The following SPATA7 variants were observed in gnomAD, a reference collection of about 807,000 sequenced individuals.
The protein encoded by SPATA7 is spermatogenesis associated 7, also known as spermatogenesis-associated protein 7.
A neutral mutation model predicts 51.8 loss-of-function variants in SPATA7; 43 were observed. The ratio of observed to expected loss-of-function variants is 0.83; its 90% CI spans 0.65 to 1.07. The LOEUF is 1.07. SPATA7 is among the 50% of genes least tolerant of loss of function. The probability of loss-of-function intolerance (pLI) is 0.00; values close to 1 mark genes in which losing one functional copy is unlikely to be tolerated. For synonymous variants in SPATA7, 230 were observed against 252.8 expected (o/e 0.91, Z 0.86); for missense variants, 683 against 701.3 (o/e 0.97, Z 0.30).
intron 3 of SPATA7, among the ~76,000 whole-genome samples, chr14:88,444,977 T>C (rs1012795407): frequency 6.6e-6 from 1 of 152,124 alleles, no homozygotes; most frequent in African/African-American, 2.4e-5. Context: ...GGCTCTTTTT[T>C]GGTTCCATAT....
chr14:88,465,158 A>C (rs1179116824), intron 4 of SPATA7, among the ~76,000 whole-genome samples: 1 of 152,190 alleles, frequency 6.6e-6, no homozygotes, highest in Non-Finnish European at 1.5e-5. Flanking sequence ...AAGCATTCCA[A>C]ATGATATTCT....
chr14:88,429,268 C>T lies in SPATA7; in HGVS notation c.913-80C>T, dbSNP rs193025954. 220 of 761,298 alleles carry T rather than the reference C, an allele frequency of 2.9e-4. 2 individuals are homozygous for T. In the African/African-American group the frequency reaches 3.2e-3, roughly 11 times the overall value. 47.2% of individuals were successfully genotyped at this position (761,298 alleles called of 1,614,324 possible). A position where few individuals can be genotyped will look rare whatever the true frequency, so the allele number is the denominator to read the frequency against. On this transcript the variant is annotated intron_variant, in intron 7 of 11. Transcript: ENST00000393545. ...TCTACTGGATATCTCTGTTCAATCA[C>T]TTAAAATTTGCTGTGTTATATTCTG...
downstream of SPATA7, among the ~76,000 whole-genome samples, chr14:88,458,653 T>A (rs559211873): frequency 1.8e-3 from 273 of 152,292 alleles, 1 homozygote; most frequent in African/African-American, 6.3e-3. Context: ...TCTATCAATT[T>A]TGTTGATCTT....
intron 4 of SPATA7, among the ~76,000 whole-genome samples, chr14:88,400,535 A>T (rs2076026097): frequency 6.6e-6 from 1 of 152,194 alleles, no homozygotes; most frequent in Non-Finnish European, 1.5e-5. Flanking sequence ...ATCAGTAATC[A>T]AAAACTTCCC....
intron 4 of SPATA7, among the ~76,000 whole-genome samples, chr14:88,409,255 T>C (rs904296590): frequency 2.0e-5 from 3 of 152,176 alleles, no homozygotes; most frequent in African/African-American, 7.2e-5. Context: ...AGGCTATTAA[T>C]TACTGCCTCA....
intron 8 of SPATA7, 36 bp from the exon 9 acceptor site, chr14:88,431,136 C>G: frequency 1.3e-6 from 2 of 1,593,426 alleles, no homozygotes; most frequent in East Asian, 4.5e-5. Context: ...ATGCCAACCA[C>G]TGTTTTGCTC....
intron 4 of SPATA7, among the ~76,000 whole-genome samples, chr14:88,407,444 C>T (rs948273020): frequency 6.6e-6 from 1 of 152,206 alleles, no homozygotes; most frequent in African/African-American, 2.4e-5. Context: ...TATCCTTCGC[C>T]CACTTTTTGA....
chr14:88,413,737 G>C (rs939434504), intron 4 of SPATA7, among the ~76,000 whole-genome samples: 3 of 150,566 alleles, frequency 2.0e-5, no homozygotes, highest in African/African-American at 7.4e-5. Context: ...CTAATTTGTT[G>C]AGGGTTTTTT....
intron 6 of SPATA7, 38 bp from the exon 7 acceptor site, chr14:88,427,592 T>A: frequency 7.0e-7 from 1 of 1,431,404 alleles, no homozygotes; most frequent in Non-Finnish European, 9.7e-7. Context: ...TGCTTATATT[T>A]TGAAGGATTA....
chr14:88,405,644 A>G (rs2076181219), intron 4 of SPATA7, among the ~76,000 whole-genome samples: 1 of 152,216 alleles, frequency 6.6e-6, no homozygotes, highest in African/African-American at 2.4e-5. Context: ...AGCCAAAAGG[A>G]TGGAGTTATG....
Position 88,426,528 on chromosome 14 carries a change from G to T in SPATA7, c.669G>T (p.Gly223=), listed in dbSNP as rs1280139495. The T allele has an allele frequency of 6.2e-7, 1 of 1,614,108 alleles. No individual in the cohort carries two copies. The highest frequency in any genetic ancestry group is 1.1e-5 in the South Asian group (1 of 91,076). ...TAGTCATTTCGAAAGCACCCAGTGG[G>T]GATCTTTTGGATAAACATTCTGAAC... ...FQLVISKAPS[G]DLLDKHSELF... Residue 223 remains glycine, a synonymous_variant, in exon 6 of 12, where the codon GGG becomes GGT. Coordinates refer to ENST00000393545, the MANE Select transcript of SPATA7 (RefSeq NM_018418.5).
At chr14:88,435,324 A>G (rs1267672950) in intron 10 of SPATA7, among the ~76,000 whole-genome samples, 1 of 152,170 alleles carries the variant, frequency 6.6e-6, no homozygotes, top group African/African-American at 2.4e-5. Context: ...GTAGGTATGT[A>G]TATTTAAGGG....
Position 88,426,285 on chromosome 14 carries a change from A to G in SPATA7, c.426A>G (p.Gly142=). 6.2e-7 allele frequency: 1 copy of G among 1,614,124 alleles called. No homozygotes were observed. The highest frequency in any genetic ancestry group is 8.5e-7 in the Non-Finnish European group (1 of 1,180,026). Reference sequence around the variant, plus strand: ...ACATGTTAAAAGAAGAAATGAATGGATTTTCATCCTTTGCAAGGTCACTAG... The same window carrying G: ...ACATGTTAAAAGAAGAAATGAATGGGTTTTCATCCTTTGCAAGGTCACTAG... ...EDDMLKEEMN[G]FSSFARSLVP... The change falls in exon 6 of 12, where the codon GGA becomes GGG. Residue 142 remains glycine (G), a synonymous_variant. Coordinates refer to ENST00000393545, the MANE Select transcript of SPATA7 (RefSeq NM_018418.5).
chr14:88,415,101 A>G (rs1387882075), intron 4 of SPATA7: 1 of 176,384 alleles, frequency 5.7e-6, no homozygotes, highest in Non-Finnish European at 1.2e-5. Flanking sequence ...ATTTAAATCC[A>G]GAATTTCTTT....
chr14:88,442,541 G>A (rs1280655772), downstream of SPATA7, among the ~76,000 whole-genome samples: 1 of 152,110 alleles, frequency 6.6e-6, no homozygotes, highest in African/African-American at 2.4e-5. Context: ...GGTCTATTCA[G>A]ATGATCATGT....
chr14:88,434,888 A>G (rs1299324211), intron 10 of SPATA7, among the ~76,000 whole-genome samples: 1 of 152,052 alleles, frequency 6.6e-6, no homozygotes. Context: ...GAAATAATTC[A>G]GAACTACTAA....
intron 5 of SPATA7, among the ~76,000 whole-genome samples, chr14:88,422,122 G>T (rs1013886712): frequency 6.6e-6 from 1 of 152,098 alleles, no homozygotes; most frequent in Non-Finnish European, 1.5e-5. Flanking sequence ...GGGGCTGGAG[G>T]TAATAAGAGA....
chr14:88,460,565 C>A (rs564886664), intron 4 of SPATA7, among the ~76,000 whole-genome samples: 5 of 152,308 alleles, frequency 3.3e-5, no homozygotes, highest in Middle Eastern at 6.8e-3. Context: ...TCCATCAGGT[C>A]ATTTAAGGAC....
downstream of SPATA7, among the ~76,000 whole-genome samples, chr14:88,458,061 A>G (rs1253584753): frequency 6.6e-6 from 1 of 152,148 alleles, no homozygotes; most frequent in East Asian, 1.9e-4. Flanking sequence ...CCAGCCTTGC[A>G]TCCCAGGGAT....
Sources: allele counts gnomAD v4.1 joint callset (sites outside exome capture counted in the v4.1 genomes callset), GRCh38; gene constraint gnomAD v4.1.1; transcripts MANE v1.5; gene names NCBI Gene and HGNC (gene_info 2026-07-23, HGNC 2026-07-21).